The following SLC2A9 variants were observed in gnomAD, a reference collection of about 807,000 sequenced individuals.
SLC2A9 encodes the protein solute carrier family 2, facilitated glucose transporter member 9.
Under a neutral mutation model 50.6 loss-of-function variants are expected in SLC2A9, and 39 were observed. That is an observed-to-expected ratio of 0.77 (90% CI 0.60 to 1.01). The LOEUF is 1.01. Ranked by LOEUF, SLC2A9 falls within the 50% of genes least tolerant of loss-of-function variation. The probability of loss-of-function intolerance (pLI) is 0.00; values close to 1 mark genes in which losing one functional copy is unlikely to be tolerated. For synonymous variants in SLC2A9, 324 were observed against 276.9 expected, an observed-to-expected ratio of 1.17 and a Z score of -1.69; for missense variants, 686 against 677.6, an observed-to-expected ratio of 1.01 and a Z score of -0.14.
chr4:9,773,636 C>T (rs1577228694), intron 1 of SLC2A9, among the ~76,000 whole-genome samples: 1 of 152,234 alleles, frequency 6.6e-6, no homozygotes, highest in African/African-American at 2.4e-5. Context: ...TCACTATCAT[C>T]CCCTGAGATC....
chr4:9,893,826 G>C (rs910360199), intron 8 of SLC2A9, among the ~76,000 whole-genome samples: 9 of 152,172 alleles, frequency 5.9e-5, no homozygotes, highest in Non-Finnish European at 7.4e-5. Context: ...GGCCCAGAGA[G>C]ATTATGCTTA....
chr4:9,986,091 A>T (rs73805443), intron 3 of SLC2A9, among the ~76,000 whole-genome samples: 1,983 of 152,364 alleles, frequency 0.013, 32 homozygotes, highest in African/African-American at 0.045. Flanking sequence ...TGGTCATCTT[A>T]CAATTCGTGA....
chr4:9,979,282 A>C (rs887534004), intron 5 of SLC2A9, among the ~76,000 whole-genome samples: 4 of 152,164 alleles, frequency 2.6e-5, no homozygotes, highest in Non-Finnish European at 1.5e-5. Flanking sequence ...TTTGAGCAGC[A>C]TAACAAATGA....
At chr4:9,836,246 C>CA (rs1271318904) in intron 10 of SLC2A9, among the ~76,000 whole-genome samples, 1 of 151,152 alleles carries the variant, frequency 6.6e-6, no homozygotes, top group Non-Finnish European at 1.5e-5. Context: ...AAATCACCAC[C>CA]AAAAAACTTA....
chr4:9,950,149 A>C (rs1749962742), intron 5 of SLC2A9, among the ~76,000 whole-genome samples: 1 of 152,184 alleles, frequency 6.6e-6, no homozygotes, highest in African/African-American at 2.4e-5. Context: ...AAGATGGCTC[A>C]ATTCATTGCA....
intron 6 of SLC2A9, among the ~76,000 whole-genome samples, chr4:9,925,860 G>C (rs1027327658): frequency 2.6e-5 from 4 of 152,234 alleles, no homozygotes; most frequent in African/African-American, 4.8e-5. Context: ...TCAGCAGGGG[G>C]GCCAGTATCT....
At chr4:9,851,708 G>A (rs946691096) in intron 10 of SLC2A9, among the ~76,000 whole-genome samples, 1 of 145,218 alleles carries the variant, frequency 6.9e-6, no homozygotes, top group Admixed American at 7.1e-5. Context: ...AAGACGAAAT[G>A]GCCATTTTAA....
upstream of SLC2A9, among the ~76,000 whole-genome samples, chr4:10,024,830 G>T (rs921856198): frequency 6.6e-6 from 1 of 152,134 alleles, no homozygotes; most frequent in Non-Finnish European, 1.5e-5. Context: ...AAAAGAAGGG[G>T]GGTTTTCTAT....
At chr4:9,891,112 C>A (rs1177399683) in intron 8 of SLC2A9, among the ~76,000 whole-genome samples, 3 of 152,152 alleles carry the variant, frequency 2.0e-5, no homozygotes, top group Non-Finnish European at 4.4e-5. Flanking sequence ...GGGTAGGCAT[C>A]CACAGCGGGG....
At chr4:10,038,074 C>A (rs1436528129) in intron 1 of SLC2A9, among the ~76,000 whole-genome samples, 1 of 152,182 alleles carries the variant, frequency 6.6e-6, no homozygotes, top group Non-Finnish European at 1.5e-5. Flanking sequence ...GTCCCCATCA[C>A]ACTGTCTGGA....
At chr4:9,831,275 G>T (rs1726101666) in intron 11 of SLC2A9, among the ~76,000 whole-genome samples, 1 of 152,094 alleles carries the variant, frequency 6.6e-6, no homozygotes, top group Admixed American at 6.5e-5. Context: ...TGATTAAGTT[G>T]AAATGAGGTC....
chr4:9,785,931 G>A (rs1249327456), intron 3 of SLC2A9, among the ~76,000 whole-genome samples: 2 of 152,142 alleles, frequency 1.3e-5, no homozygotes, highest in Non-Finnish European at 2.9e-5. Flanking sequence ...TGGTGGTCAG[G>A]GGAGGACTTT....
chr4:9,809,106 T>C (rs897176986), intron 3 of SLC2A9, among the ~76,000 whole-genome samples: 6 of 152,182 alleles, frequency 3.9e-5, no homozygotes, highest in African/African-American at 1.4e-4. Flanking sequence ...TGTGGCTTGG[T>C]AGAATGTACA....
chr4:10,037,126 T>TA (rs991758943), intron 1 of SLC2A9, among the ~76,000 whole-genome samples: 3 of 152,360 alleles, frequency 2.0e-5, no homozygotes, highest in Middle Eastern at 6.8e-3. Flanking sequence ...TTATGTACCA[T>TA]AAAATGCACT....
At chr4:9,976,466 G>A (rs557590317) in intron 5 of SLC2A9, among the ~76,000 whole-genome samples, 1 of 152,162 alleles carries the variant, frequency 6.6e-6, no homozygotes, top group Admixed American at 6.5e-5. Flanking sequence ...AATTTCACTT[G>A]GCTGGAACAC....
intron 3 of SLC2A9, among the ~76,000 whole-genome samples, chr4:9,793,021 T>C (rs1278902081): frequency 2.6e-5 from 4 of 152,192 alleles, no homozygotes; most frequent in Non-Finnish European, 4.4e-5. Flanking sequence ...ATTACAGGCA[T>C]GCGCTACCAC....
At chr4:9,788,493 G>A (rs574486569) in intron 3 of SLC2A9, among the ~76,000 whole-genome samples, 13 of 151,818 alleles carry the variant, frequency 8.6e-5, no homozygotes, top group Admixed American at 7.2e-4. Context: ...TGCCCAGCCC[G>A]GGTTTCTAGT....
At chr4:9,800,165 C>T (rs911906963) in intron 3 of SLC2A9, among the ~76,000 whole-genome samples, 1 of 152,166 alleles carries the variant, frequency 6.6e-6, no homozygotes, top group Non-Finnish European at 1.5e-5. Flanking sequence ...AGCTCAGTTA[C>T]TGGCTAGAAG....
At chr4:9,976,773 G>A (rs1189924229) in intron 5 of SLC2A9, among the ~76,000 whole-genome samples, 11 of 152,204 alleles carry the variant, frequency 7.2e-5, no homozygotes, top group Non-Finnish European at 7.3e-5. Flanking sequence ...GGGAGAGAGT[G>A]TCCCAGCCTC....
Sources: gnomAD v4.1 joint callset for allele counts (sites outside exome capture counted in the v4.1 genomes callset) on GRCh38, gnomAD v4.1.1 for gene constraint, MANE v1.5 for transcripts, NCBI Gene and HGNC (gene_info 2026-07-23, HGNC 2026-07-21) for gene names.